Variants in JAKMIP3 observed in about 807,000 individuals in gnomAD.
The protein encoded by JAKMIP3 is Janus kinase and microtubule interacting protein 3.
A neutral mutation model predicts 118.5 loss-of-function variants in JAKMIP3; 58 were observed. That is an observed-to-expected ratio of 0.49 (90% CI 0.40 to 0.61). The LOEUF (loss-of-function observed/expected upper bound fraction) is 0.61, where lower values mean the gene tolerates loss of function less well. Among genes scored for constraint, JAKMIP3 ranks in the 20% least tolerant of loss-of-function variants. The pLI, the probability that JAKMIP3 is intolerant of heterozygous loss-of-function variation, is 0.00. For missense variants in JAKMIP3, 950 were observed against 1,109.0 expected (o/e 0.86, Z 2.04); for synonymous variants, 486 against 451.2 (o/e 1.08, Z -0.98).
chr10:132,104,939 GC>G lies in JAKMIP3; in HGVS notation c.132del (p.Ser44ArgfsTer41). The G allele has an allele frequency of 6.3e-7, 1 of 1,589,296 alleles. No individual in the cohort carries two copies. Among genetic ancestry groups the G allele is most frequent in the Non-Finnish European group, 8.6e-7 (1 of 1,168,136 alleles). On this transcript the variant is annotated frameshift_variant, in exon 2 of 24. Transcript: ENST00000684848. ...CAGATCGAGCTGCAGCAGGAGAAGA[GC>G]AAGGTGGGCGCTCCCCAGACCTCCA... Reference protein sequence around the residue: ...DIQIELQQEKSKVSKVEREKN... With the variant: ...DIQIELQQEKXKVSKVEREKN...
chr10:132,184,534 G>A lies in JAKMIP3; in HGVS notation c.*3281G>A, dbSNP rs2137468806. The A allele has an allele frequency of 6.6e-6, 1 of 152,282 alleles. No homozygotes were observed. Among genetic ancestry groups the A allele is most frequent in the East Asian group, 1.9e-4 (1 of 5,186 alleles). The allele number at this position is 152,282 out of a possible 1,614,324, so 9.4% of individuals were successfully genotyped here. On this transcript the variant is annotated 3_prime_UTR_variant, in exon 24 of 24. Transcript: ENST00000684848. ...TGTATATTTTTTAAAAAGCTTTATT[G>A]TAAATTTATGCAAAAACTAACCGGG...
At chr10:132,148,587 C>G (rs1265004849) in intron 14 of JAKMIP3, among the ~76,000 whole-genome samples, 1 of 152,336 alleles carries the variant, frequency 6.6e-6, no homozygotes, top group African/African-American at 2.4e-5. Flanking sequence ...CCTCCGCCGT[C>G]GGCAGACGTT....
intron 2 of JAKMIP3, among the ~76,000 whole-genome samples, chr10:132,109,115 T>C (rs187205624): frequency 7.5e-5 from 10 of 133,716 alleles, no homozygotes; most frequent in African/African-American, 1.3e-4. Context: ...CACACACACA[T>C]ATATATATAC....
intron 2 of JAKMIP3, among the ~76,000 whole-genome samples, chr10:132,107,501 C>T (rs905997772): frequency 4.6e-5 from 7 of 152,204 alleles, no homozygotes; most frequent in African/African-American, 7.2e-5. Flanking sequence ...GCACAACGTG[C>T]AGAAGGCACC....
intron 19 of JAKMIP3, among the ~76,000 whole-genome samples, chr10:132,155,119 TG>T (rs1029540222): frequency 8.2e-6 from 1 of 121,450 alleles, no homozygotes; most frequent in African/African-American, 3.2e-5. Flanking sequence ...ATGATGGTCA[TG>T]ATGATGGTGA....
chr10:132,114,111 T>C (rs1295564353), intron 2 of JAKMIP3, among the ~76,000 whole-genome samples: 1 of 152,242 alleles, frequency 6.6e-6, no homozygotes, highest in African/African-American at 2.4e-5. Flanking sequence ...CCAGGAAAAT[T>C]GCCACGTGGT....
At chr10:132,101,744 G>A (rs532846303) in intron 1 of JAKMIP3, among the ~76,000 whole-genome samples, 1 of 152,246 alleles carries the variant, frequency 6.6e-6, no homozygotes, top group Non-Finnish European at 1.5e-5. Context: ...CTCGGGGGCT[G>A]TCTATGAGGA....
chr10:132,173,680 TGTG>T (rs1156923669), intron 23 of JAKMIP3, among the ~76,000 whole-genome samples: 1 of 151,832 alleles, frequency 6.6e-6, no homozygotes, highest in South Asian at 2.1e-4. Flanking sequence ...ATGGTATGCT[TGTG>T]GTGGTGTGTG....
At chr10:132,110,412 C>T (rs576772413) in intron 2 of JAKMIP3, among the ~76,000 whole-genome samples, 1 of 152,372 alleles carries the variant, frequency 6.6e-6, no homozygotes, top group East Asian at 1.9e-4. Context: ...GCAGTTTTTG[C>T]CTGTGGTTAT....
At chr10:132,119,086 C>A (rs183683438) in intron 3 of JAKMIP3, among the ~76,000 whole-genome samples, 1 of 152,332 alleles carries the variant, frequency 6.6e-6, no homozygotes, top group African/African-American at 2.4e-5. Context: ...CAGCTATTCA[C>A]AGTTCCTCTG....
intron 16 of JAKMIP3, 55 bp from the exon 17 acceptor site, chr10:132,152,903 C>G: frequency 1.4e-6 from 2 of 1,418,594 alleles, no homozygotes; most frequent in Admixed American, 1.9e-5. Flanking sequence ...ATCACTCACC[C>G]TCACCCCCAA....
chr10:132,124,500 C>T (rs763689997), intron 3 of JAKMIP3, among the ~76,000 whole-genome samples: 22 of 149,912 alleles, frequency 1.5e-4, no homozygotes, highest in Non-Finnish European at 2.1e-4. Flanking sequence ...CATCCATTGC[C>T]ACGCGGTCAC....
intron 23 of JAKMIP3, chr10:132,181,544 C>A (rs969781461): frequency 6.6e-6 from 1 of 152,138 alleles, no homozygotes; most frequent in African/African-American, 2.4e-5. Flanking sequence ...TCCGGGACAA[C>A]CTATTTAGAA....
In JAKMIP3 at chr10:132,179,566, A is replaced by G. The variant is rs2060505530; in HGVS notation, c.*1104-2791A>G. 6.6e-6 allele frequency among the ~76,000 whole-genome samples: 1 copy of G among 152,122 alleles called. No homozygotes were observed. The highest frequency in any genetic ancestry group is 2.1e-4 in the South Asian group (1 of 4,826). ...TAAAAGAATGCGCTCCCTGAAGGCA[A>G]TTCGCAGCCCCATGTTCCCCCCACC... On this transcript the variant is annotated intron_variant, in intron 23 of 23. Coordinates refer to ENST00000684848, the MANE Select transcript of JAKMIP3 (RefSeq NM_001323087.2). This position sits in a 1 kb window ranked among gnomAD's most constrained non-coding sequence, Gnocchi z 4.3.
intron 21 of JAKMIP3, among the ~76,000 whole-genome samples, chr10:132,165,059 G>A (rs1590011399): frequency 2.0e-5 from 3 of 152,224 alleles, no homozygotes; most frequent in South Asian, 2.1e-4. Flanking sequence ...CAACGGCCTC[G>A]GGTTCCTCCC....
intron 23 of JAKMIP3, among the ~76,000 whole-genome samples, chr10:132,180,764 T>TGCGC (rs1384404808): frequency 3.1e-5 from 1 of 32,142 alleles, no homozygotes; most frequent in Non-Finnish European, 6.5e-5. Context: ...TGTGTGCGTG[T>TGCGC]GTGTGCGTGT....
intron 1 of JAKMIP3, among the ~76,000 whole-genome samples, chr10:132,101,190 G>A (rs1412443109): frequency 6.6e-6 from 1 of 152,142 alleles, no homozygotes; most frequent in Non-Finnish European, 1.5e-5. Flanking sequence ...CTGCAATGTA[G>A]ACAAGGTTTT....
chr10:132,109,729 G>A (rs1396640597), intron 2 of JAKMIP3, among the ~76,000 whole-genome samples: 1 of 152,202 alleles, frequency 6.6e-6, no homozygotes, highest in Non-Finnish European at 1.5e-5. Flanking sequence ...GTGGGGAAGG[G>A]CTTGAGGCTG....
chr10:132,109,360 C>A (rs1184495056), intron 2 of JAKMIP3, among the ~76,000 whole-genome samples: 11 of 152,254 alleles, frequency 7.2e-5, no homozygotes, highest in African/African-American at 2.4e-4. Flanking sequence ...TGTGTGCACA[C>A]AGAAAAGAAT....
Sources: gnomAD v4.1 joint callset for allele counts (sites outside exome capture counted in the v4.1 genomes callset) on GRCh38, gnomAD v4.1.1 for gene constraint, Gnocchi (gnomAD v3.1) non-coding constraint, MANE v1.5 for transcripts, NCBI Gene and HGNC (gene_info 2026-07-23, HGNC 2026-07-21) for gene names.